The following KALRN variants were observed in gnomAD, a reference collection of about 807,000 sequenced individuals.
KALRN encodes the protein kalirin.
In KALRN, 70 loss-of-function variants were observed where a neutral mutation model predicts 353.7. That is an observed-to-expected ratio of 0.20 (90% confidence interval 0.16 to 0.24). KALRN has a LOEUF of 0.24. KALRN is among the 10% of genes least tolerant of loss of function. KALRN has a pLI of 1.00. For missense variants in KALRN, 2,791 were observed against 3,756.7 expected (o/e 0.74, Z 6.72); for synonymous variants, 1,391 against 1,434.8 (o/e 0.97, Z 0.69).
chr3:124,601,007 G>A (rs2076744536), intron 34 of KALRN, among the ~76,000 whole-genome samples: 1 of 152,148 alleles, frequency 6.6e-6, no homozygotes, highest in African/African-American at 2.4e-5. Context: ...AGAGCTTTTT[G>A]TGGGCAATTC....
At chr3:124,253,565 C>G (rs998142072) in intron 3 of KALRN, among the ~76,000 whole-genome samples, 2 of 152,228 alleles carry the variant, frequency 1.3e-5, no homozygotes, top group Non-Finnish European at 2.9e-5. Flanking sequence ...TGTGCTATGG[C>G]AGGGCCAGTG....
chr3:124,535,777 A>C (rs568417503), intron 33 of KALRN, among the ~76,000 whole-genome samples: 1 of 152,298 alleles, frequency 6.6e-6, no homozygotes, highest in East Asian at 1.9e-4. Flanking sequence ...TAAATAACAG[A>C]GAAGTTTATT....
intron 34 of KALRN, among the ~76,000 whole-genome samples, chr3:124,576,986 A>G (rs1454509598): frequency 6.6e-6 from 1 of 152,152 alleles, no homozygotes; most frequent in Non-Finnish European, 1.5e-5. Flanking sequence ...GCCATCTTTC[A>G]CTTTGATAAA....
chr3:124,056,016 G>A (rs1157463870), intron 1 of KALRN, among the ~76,000 whole-genome samples: 1 of 152,184 alleles, frequency 6.6e-6, no homozygotes, highest in East Asian at 1.9e-4. Flanking sequence ...TATATGTCAG[G>A]TTGAATGGTG....
intron 5 of KALRN, among the ~76,000 whole-genome samples, chr3:124,281,385 C>T (rs1293065144): frequency 6.6e-6 from 1 of 152,194 alleles, no homozygotes; most frequent in Non-Finnish European, 1.5e-5. Flanking sequence ...GGGGAGGTGA[C>T]CTTGTCATGA....
intron 33 of KALRN, among the ~76,000 whole-genome samples, chr3:124,537,087 G>T (rs1221095956): frequency 6.6e-6 from 1 of 152,100 alleles, no homozygotes; most frequent in Admixed American, 6.5e-5. Context: ...TGTCACCCAG[G>T]CTGGAATGCA....
At chr3:124,624,212 T>C (rs2079657866) in intron 34 of KALRN, among the ~76,000 whole-genome samples, 1 of 152,204 alleles carries the variant, frequency 6.6e-6, no homozygotes, top group Non-Finnish European at 1.5e-5. Flanking sequence ...ACTTAGTAGC[T>C]GCCTCAGTTA....
At position 124,482,804 on chromosome 3, in the gene KALRN, G is replaced by T. The variant is rs2062128827; in HGVS notation, c.4192-4G>T. 1 of 1,602,148 alleles carries T rather than the reference G, an allele frequency of 6.2e-7. No individual in the cohort carries two copies. The highest frequency in any genetic ancestry group is 8.6e-7 in the Non-Finnish European group (1 of 1,169,140). On this transcript the variant is annotated splice_polypyrimidine_tract_variant and splice_region_variant and intron_variant, in intron 27 of 59. Transcript: ENST00000682506. ...CTAATTGCACATTGTTCTCATCCCT[G>T]CAGGAGATACAACAGCGGCATGGTC...
At chr3:124,288,046 T>G (rs2076107129) in intron 5 of KALRN, among the ~76,000 whole-genome samples, 1 of 151,542 alleles carries the variant, frequency 6.6e-6, no homozygotes, top group Non-Finnish European at 1.5e-5. Context: ...GCTAATTTTT[T>G]GTATTCTTAT....
chr3:124,496,298 C>A lies in KALRN; in HGVS notation c.4833-13C>A. ...CCACCCCCACCCCTGTTTTTTTTCT[C>A]TTCTTCCTGCAGGGATGGAGTGGAG... On this transcript the variant is annotated splice_polypyrimidine_tract_variant and intron_variant, in intron 32 of 59. Transcript: ENST00000682506. 6 of 1,507,538 alleles carry A rather than the reference C, an allele frequency of 4.0e-6. No individual in the cohort carries two copies. The highest frequency in any genetic ancestry group is 5.4e-6 in the Non-Finnish European group (6 of 1,104,250). The allele number at this position is 1,507,538 out of a possible 1,614,324, so 93.4% of individuals were successfully genotyped here. A position where few individuals can be genotyped will look rare whatever the true frequency, so the allele number is the denominator to read the frequency against.
Position 124,239,878 on chromosome 3 carries a change from TA to T in KALRN, c.263+4939del, listed in dbSNP as rs1329147575. The stretch of plus-strand genomic sequence containing the variant: ...TTACTCTTTGCTCTGGGATCATCAA[TA>T]AAAGGAGGATGTGGGGAGGAAGGGG... On this transcript the variant is annotated intron_variant, in intron 3 of 59. Coordinates refer to ENST00000682506, the MANE Select transcript of KALRN (RefSeq NM_001388419.1). 4.0e-5 allele frequency among the ~76,000 whole-genome samples: 6 copies of T among 150,266 alleles called. No homozygotes were observed. The South Asian group carries it at 1.1e-3, about 27-fold the overall frequency.
intron 1 of KALRN, among the ~76,000 whole-genome samples, chr3:124,134,104 G>A (rs531023937): frequency 3.3e-5 from 5 of 152,182 alleles, no homozygotes; most frequent in Middle Eastern, 3.4e-3. Flanking sequence ...TAAATCTGGA[G>A]GTATCACACT....
intron 22 of KALRN, 25 bp from the exon 23 acceptor site, chr3:124,456,585 A>C (rs766348953): frequency 5.2e-6 from 8 of 1,525,894 alleles, no homozygotes; most frequent in Non-Finnish European, 7.3e-6. Context: ...TCACAAGGTG[A>C]CCTTTGTGAT....
intron 16 of KALRN, 85 bp from the exon 17 acceptor site, chr3:124,434,222 C>A: frequency 1.1e-6 from 1 of 924,560 alleles, no homozygotes; most frequent in Non-Finnish European, 1.7e-6. Flanking sequence ...TTCTCTGCAT[C>A]TTTTCACTCA....
At chr3:124,308,417 G>A (rs2077917356) in intron 6 of KALRN, among the ~76,000 whole-genome samples, 1 of 151,536 alleles carries the variant, frequency 6.6e-6, no homozygotes, top group East Asian at 1.9e-4. Context: ...CCATATCCTA[G>A]GTCAAAAAAC....
At chr3:124,566,601 T>C (rs1169859655) in intron 34 of KALRN, among the ~76,000 whole-genome samples, 2 of 152,100 alleles carry the variant, frequency 1.3e-5, no homozygotes, top group African/African-American at 4.8e-5. Flanking sequence ...GTTATGCACA[T>C]AGCCCAGCCT....
chr3:124,055,767 C>T (rs1577628196), intron 1 of KALRN, among the ~76,000 whole-genome samples: 1 of 152,174 alleles, frequency 6.6e-6, no homozygotes, highest in East Asian at 1.9e-4. Context: ...ACAGAGATGG[C>T]ACTATAAAAT....
At chr3:124,510,581 C>T (rs1000050128) in intron 33 of KALRN, among the ~76,000 whole-genome samples, 1 of 151,928 alleles carries the variant, frequency 6.6e-6, no homozygotes, top group African/African-American at 2.4e-5. Context: ...CTTGATGCGT[C>T]ATTGTCCTTT....
chr3:124,303,377 C>T (rs1340332609), intron 6 of KALRN, among the ~76,000 whole-genome samples: 1 of 152,176 alleles, frequency 6.6e-6, no homozygotes, highest in African/African-American at 2.4e-5. Flanking sequence ...AGACAACCAG[C>T]TTTCCTGAGC....
Sources: gnomAD v4.1 joint callset for allele counts (sites outside exome capture counted in the v4.1 genomes callset) on GRCh38, gnomAD v4.1.1 for gene constraint, MANE v1.5 for transcripts, NCBI Gene and HGNC (gene_info 2026-07-23, HGNC 2026-07-21) for gene names.